The following NR3C2 variants were observed in gnomAD, a reference collection of about 807,000 sequenced individuals.
The protein encoded by NR3C2 is mineralocorticoid receptor.
In NR3C2, 15 loss-of-function variants were observed where a neutral mutation model predicts 86.4. The observed-to-expected ratio is 0.17, with a 90% CI of 0.12 to 0.27. NR3C2 has a LOEUF of 0.27. Among genes scored for constraint, NR3C2 ranks in the 10% least tolerant of loss-of-function variants. The pLI is 1.00. For synonymous variants in NR3C2, 458 were observed against 450.5 expected, an observed-to-expected ratio of 1.02 and a Z score of -0.21; for missense variants, 960 against 1,195.6, an observed-to-expected ratio of 0.80 and a Z score of 2.91.
chr4:148,193,408 T>C (rs1736295973), intron 4 of NR3C2, among the ~76,000 whole-genome samples: 1 of 152,198 alleles, frequency 6.6e-6, no homozygotes, highest in Non-Finnish European at 1.5e-5. Context: ...GGTTTGTTCT[T>C]GCAGTGGATC....
chr4:148,385,060 GT>G (rs544001907), intron 2 of NR3C2, among the ~76,000 whole-genome samples: 39 of 152,294 alleles, frequency 2.6e-4, no homozygotes, highest in South Asian at 1.0e-3. Context: ...GGAGTCAGCA[GT>G]CACTTAAAAA....
At chr4:148,427,446 G>A (rs1165251447) in intron 2 of NR3C2, among the ~76,000 whole-genome samples, 1 of 152,054 alleles carries the variant, frequency 6.6e-6, no homozygotes, top group East Asian at 1.9e-4. Flanking sequence ...GTGGCCAACT[G>A]TGGTGGCTTA....
intron 4 of NR3C2, among the ~76,000 whole-genome samples, chr4:148,191,476 T>G (rs1736192140): frequency 6.6e-6 from 1 of 152,234 alleles, no homozygotes; most frequent in Non-Finnish European, 1.5e-5. Flanking sequence ...ATGATCTTTC[T>G]GTGATGAATT....
intron 2 of NR3C2, among the ~76,000 whole-genome samples, chr4:148,415,005 T>A (rs1173631293): frequency 6.6e-6 from 1 of 152,228 alleles, no homozygotes; most frequent in Non-Finnish European, 1.5e-5. Flanking sequence ...TTAAAATATT[T>A]TGCAACTGAT....
At chr4:148,391,866 C>CAAAAAA (rs11384324) in intron 2 of NR3C2, among the ~76,000 whole-genome samples, 1 of 111,720 alleles carries the variant, frequency 9.0e-6, no homozygotes. Context: ...GACTCCATTG[C>CAAAAAA]AAAAAAAAAA....
chr4:148,248,486 A>G (rs1739422636), intron 3 of NR3C2, among the ~76,000 whole-genome samples: 1 of 152,220 alleles, frequency 6.6e-6, no homozygotes, highest in Non-Finnish European at 1.5e-5. Flanking sequence ...ATTAAAGGGA[A>G]AAAAGGAAGT....
intron 8 of NR3C2, among the ~76,000 whole-genome samples, chr4:148,109,043 C>T (rs4027073): frequency 0.72 from 108,738 of 152,052 alleles, 39,125 homozygotes; most frequent in East Asian, 0.76. Flanking sequence ...CTCATAATGG[C>T]AGCGTCCGGA....
At chr4:148,322,388 T>G (rs1241336098) in intron 2 of NR3C2, among the ~76,000 whole-genome samples, 1 of 129,218 alleles carries the variant, frequency 7.7e-6, no homozygotes, top group African/African-American at 3.1e-5. Flanking sequence ...AGTATCTTTG[T>G]GGCGTTCTCT....
intron 2 of NR3C2, among the ~76,000 whole-genome samples, chr4:148,282,620 C>T (rs986812876): frequency 1.2e-4 from 19 of 152,106 alleles, no homozygotes; most frequent in African/African-American, 4.6e-4. Context: ...AGCAAGAAAA[C>T]AAGGAAGAAA....
At chr4:148,431,406 C>T (rs1749795533) in intron 2 of NR3C2, among the ~76,000 whole-genome samples, 1 of 152,118 alleles carries the variant, frequency 6.6e-6, no homozygotes, top group Admixed American at 6.5e-5. Flanking sequence ...TCTTGGGGCA[C>T]ATTAGTGATC....
chr4:148,347,695 C>T (rs7699303), intron 2 of NR3C2, among the ~76,000 whole-genome samples: 2,777 of 152,214 alleles, frequency 0.018, 79 homozygotes, highest in African/African-American at 0.063. Context: ...ACGCATGCCC[C>T]GATGGGGCTA....
chr4:148,424,505 A>G (rs1749436009), intron 2 of NR3C2, among the ~76,000 whole-genome samples: 1 of 152,218 alleles, frequency 6.6e-6, no homozygotes, highest in Non-Finnish European at 1.5e-5. Flanking sequence ...ATTGGCTTTA[A>G]CTGTAGTAGC....
intron 2 of NR3C2, among the ~76,000 whole-genome samples, chr4:148,307,370 T>C (rs1310455692): frequency 2.0e-5 from 3 of 152,166 alleles, no homozygotes; most frequent in Non-Finnish European, 2.9e-5. Context: ...TATTCTATTA[T>C]ATTTTAGGAT....
At chr4:148,301,401 C>T (rs1742331658) in intron 2 of NR3C2, among the ~76,000 whole-genome samples, 1 of 151,928 alleles carries the variant, frequency 6.6e-6, no homozygotes. Context: ...TAAATTTTTG[C>T]CTAGAGTTAA....
chr4:148,367,872 C>CAA (rs534219371), intron 2 of NR3C2, among the ~76,000 whole-genome samples: 1 of 122,316 alleles, frequency 8.2e-6, no homozygotes. Flanking sequence ...TTCTCCCTTT[C>CAA]AAAAAAAAAA....
chr4:148,227,658 C>T (rs190138381), intron 3 of NR3C2, among the ~76,000 whole-genome samples: 46 of 152,196 alleles, frequency 3.0e-4, no homozygotes, highest in African/African-American at 1.1e-3. Context: ...TGTAAGCTGT[C>T]CCTTTTTCAC....
chr4:148,335,517 T>C (rs1744441239), intron 2 of NR3C2, among the ~76,000 whole-genome samples: 1 of 152,174 alleles, frequency 6.6e-6, no homozygotes. Context: ...CAGCAGCCAT[T>C]GAATCATCCA....
intron 4 of NR3C2, among the ~76,000 whole-genome samples, chr4:148,183,627 A>G (rs1217759911): frequency 6.6e-6 from 1 of 152,190 alleles, no homozygotes; most frequent in African/African-American, 2.4e-5. Context: ...AAATGGACAC[A>G]TGAAGAGTAT....
chr4:148,282,140 C>T (rs1168610202), intron 2 of NR3C2, among the ~76,000 whole-genome samples: 1 of 152,172 alleles, frequency 6.6e-6, no homozygotes, highest in African/African-American at 2.4e-5. Context: ...AGCAATTCTC[C>T]TGCCTCAGCC....
Sources: allele counts gnomAD v4.1 joint callset (sites outside exome capture counted in the v4.1 genomes callset), GRCh38; gene constraint gnomAD v4.1.1; transcripts MANE v1.5; gene names NCBI Gene and HGNC (gene_info 2026-07-23, HGNC 2026-07-21).